The following ZCCHC7 variants were observed in gnomAD, a reference collection of about 807,000 sequenced individuals.
ZCCHC7 encodes zinc finger CCHC domain-containing protein 7.
A neutral mutation model predicts 52.0 loss-of-function variants in ZCCHC7; 35 were observed. The observed-to-expected ratio is 0.67, with a 90% CI of 0.51 to 0.89. ZCCHC7 has a LOEUF of 0.89. ZCCHC7 is among the 40% of genes least tolerant of loss of function. ZCCHC7 has a pLI of 0.00. For synonymous variants in ZCCHC7, 217 were observed against 221.5 expected (o/e 0.98, Z 0.18); for missense variants, 574 against 649.1 (o/e 0.88, Z 1.26).
rs1821564561 is a variant in ZCCHC7 at position 37,354,303 on chromosome 9, G to C, written c.1084-407G>C. On this transcript the variant is annotated intron_variant, in intron 7 of 8. Coordinates refer to ENST00000336755, the MANE Select transcript of ZCCHC7 (RefSeq NM_032226.3). The surrounding 1 kb of genome is among the most constrained non-coding windows in gnomAD (Gnocchi z 4.0). ...AACTTATACCCACATTTTGGGGATA[G>C]GAAGAAGAGATGGAAAAGAACTTGA... Among the ~76,000 whole-genome samples, 1 of 152,166 alleles carries C rather than the reference G, an allele frequency of 6.6e-6. No individual in the cohort carries two copies.
At chr9:37,318,321 G>A (rs943879755) in intron 5 of ZCCHC7, among the ~76,000 whole-genome samples, 3 of 151,924 alleles carry the variant, frequency 2.0e-5, no homozygotes, top group Non-Finnish European at 4.4e-5. Context: ...AATTAGCTGG[G>A]CATGGTGGTG....
At chr9:37,308,826 C>CA (rs1286150524) in intron 5 of ZCCHC7, among the ~76,000 whole-genome samples, 2 of 151,862 alleles carry the variant, frequency 1.3e-5, no homozygotes, top group African/African-American at 4.8e-5. Context: ...ACTAAAAATA[C>CA]AAAAATTAGC....
intron 2 of ZCCHC7, among the ~76,000 whole-genome samples, chr9:37,223,680 G>C (rs1211992270): frequency 6.6e-6 from 1 of 151,966 alleles, no homozygotes; most frequent in Non-Finnish European, 1.5e-5. Context: ...AGAGAAAAAT[G>C]ACAAAAAATA....
intron 5 of ZCCHC7, chr9:37,322,407 A>C (rs1357134661): frequency 6.6e-6 from 1 of 152,186 alleles, no homozygotes; most frequent in Non-Finnish European, 1.5e-5. Flanking sequence ...CTAGTAAGGA[A>C]GCTGGGGCCA....
intron 2 of ZCCHC7, among the ~76,000 whole-genome samples, chr9:37,183,788 GGT>G (rs1401907804): frequency 5.3e-5 from 8 of 152,180 alleles, no homozygotes; most frequent in African/African-American, 1.7e-4. Context: ...TAAAGAAATA[GGT>G]GTAAAGAGAT....
chr9:37,306,729 C>CTGGGATTACA (rs1341297359), intron 5 of ZCCHC7, among the ~76,000 whole-genome samples: 2 of 127,860 alleles, frequency 1.6e-5, no homozygotes, highest in Non-Finnish European at 3.2e-5. Flanking sequence ...TCCCAAAGTG[C>CTGGGATTACA]TGGGATTACA....
chr9:37,215,099 AAAATCT>A (rs1383308180), intron 2 of ZCCHC7, among the ~76,000 whole-genome samples: 1 of 152,160 alleles, frequency 6.6e-6, no homozygotes, highest in African/African-American at 2.4e-5. Flanking sequence ...AACAGAGGGA[AAAATCT>A]AAATTAAAAC....
intron 2 of ZCCHC7, among the ~76,000 whole-genome samples, chr9:37,146,940 A>G (rs974845549): frequency 1.3e-4 from 19 of 151,898 alleles, no homozygotes; most frequent in African/African-American, 4.3e-4. Context: ...AACATCAACT[A>G]TTTGTATCTT....
intron 2 of ZCCHC7, among the ~76,000 whole-genome samples, chr9:37,237,264 G>C (rs1825695048): frequency 1.3e-5 from 2 of 152,126 alleles, no homozygotes; most frequent in African/African-American, 4.8e-5. Context: ...CTGTACTTTT[G>C]GTTTTACTTA....
chr9:37,343,273 A>G (rs1190957325), intron 6 of ZCCHC7, among the ~76,000 whole-genome samples: 3 of 152,250 alleles, frequency 2.0e-5, no homozygotes, highest in African/African-American at 7.2e-5. Context: ...TTCATTCTAT[A>G]GCAGCAAGAC....
intron 2 of ZCCHC7, among the ~76,000 whole-genome samples, chr9:37,200,432 C>T (rs1823573636): frequency 6.6e-6 from 1 of 152,204 alleles, no homozygotes; most frequent in African/African-American, 2.4e-5. Context: ...ATTCCTTACC[C>T]ATAACAAATC....
intron 2 of ZCCHC7, among the ~76,000 whole-genome samples, chr9:37,237,144 T>G (rs1378899303): frequency 6.6e-6 from 1 of 152,180 alleles, no homozygotes; most frequent in Non-Finnish European, 1.5e-5. Context: ...CTGGAGTTCC[T>G]TAAAAAGAAG....
At chr9:37,264,871 G>A (rs547348614) in intron 2 of ZCCHC7, among the ~76,000 whole-genome samples, 35 of 152,274 alleles carry the variant, frequency 2.3e-4, no homozygotes, top group African/African-American at 7.5e-4. Flanking sequence ...GTTGTTAAAA[G>A]CTATATGTTT....
chr9:37,321,263 C>T (rs957312604), intron 5 of ZCCHC7, among the ~76,000 whole-genome samples: 3 of 152,050 alleles, frequency 2.0e-5, no homozygotes, highest in African/African-American at 7.2e-5. Context: ...GCTGGGATTA[C>T]AGGCATGAGC....
intron 2 of ZCCHC7, among the ~76,000 whole-genome samples, chr9:37,293,528 T>C (rs1232033202): frequency 6.6e-6 from 1 of 152,208 alleles, no homozygotes; most frequent in Non-Finnish European, 1.5e-5. Flanking sequence ...TTACAGATAT[T>C]GTAAATATAC....
chr9:37,333,969 A>G (rs1588685341), intron 6 of ZCCHC7: 1 of 152,026 alleles, frequency 6.6e-6, no homozygotes, highest in Non-Finnish European at 1.5e-5. Flanking sequence ...TACAATAAAA[A>G]TGAGTATAAA....
chr9:37,168,840 C>G (rs1283555401), intron 2 of ZCCHC7, among the ~76,000 whole-genome samples: 1 of 152,166 alleles, frequency 6.6e-6, no homozygotes, highest in Non-Finnish European at 1.5e-5. Flanking sequence ...ACAGCCAAAT[C>G]TGACAGGGAC....
intron 2 of ZCCHC7, among the ~76,000 whole-genome samples, chr9:37,300,902 T>TA (rs1564238017): frequency 2.6e-5 from 4 of 152,310 alleles, no homozygotes; most frequent in Non-Finnish European, 4.4e-5. Context: ...AAATAGCTGA[T>TA]ACAAGAAAAT....
intron 2 of ZCCHC7, among the ~76,000 whole-genome samples, chr9:37,175,987 A>AT (rs1822002799): frequency 6.6e-6 from 1 of 152,204 alleles, no homozygotes; most frequent in African/African-American, 2.4e-5. Flanking sequence ...ACAACAAGAA[A>AT]TTAGTGTAAT....
Sources: gnomAD v4.1 joint callset for allele counts (sites outside exome capture counted in the v4.1 genomes callset) on GRCh38, gnomAD v4.1.1 for gene constraint, Gnocchi (gnomAD v3.1) non-coding constraint, MANE v1.5 for transcripts, NCBI Gene and HGNC (gene_info 2026-07-23, HGNC 2026-07-21) for gene names.